The following ATP8A2 variants were observed in gnomAD, a reference collection of about 807,000 sequenced individuals.
The protein encoded by ATP8A2 is ATPase phospholipid transporting 8A2.
A neutral mutation model predicts 165.6 loss-of-function variants in ATP8A2; 100 were observed. The observed-to-expected ratio is 0.60, with a 90% CI of 0.51 to 0.71. The LOEUF (loss-of-function observed/expected upper bound fraction) is 0.71. Ranked by LOEUF, ATP8A2 falls within the 30% of genes least tolerant of loss-of-function variation. The pLI, the probability that ATP8A2 is intolerant of heterozygous loss-of-function variation, is 0.00. For missense variants in ATP8A2, 1,227 were observed against 1,479.5 expected (o/e 0.83, Z 2.80); for synonymous variants, 543 against 548.8 (o/e 0.99, Z 0.15).
At chr13:25,585,613 T>G (rs2039900021) in intron 23 of ATP8A2, among the ~76,000 whole-genome samples, 1 of 152,208 alleles carries the variant, frequency 6.6e-6, no homozygotes, top group Admixed American at 6.5e-5. Flanking sequence ...TACATTTTAT[T>G]GTGTATAAGG....
chr13:26,012,451 T>C (rs1012474881), intron 35 of ATP8A2, 80 bp from the exon 36 acceptor site: 136 of 1,171,282 alleles, frequency 1.2e-4, no homozygotes, highest in Non-Finnish European at 1.6e-4. Flanking sequence ...CCCCACCTCA[T>C]CCCACCCCCT....
At chr13:25,941,684 G>A (rs1427734601) in intron 33 of ATP8A2, among the ~76,000 whole-genome samples, 1 of 152,058 alleles carries the variant, frequency 6.6e-6, no homozygotes, top group Non-Finnish European at 1.5e-5. Flanking sequence ...ATCCAACTGT[G>A]GTGACTTCAT....
intron 30 of ATP8A2, among the ~76,000 whole-genome samples, chr13:25,843,771 C>T (rs150102191): frequency 6.6e-6 from 1 of 152,308 alleles, no homozygotes; most frequent in East Asian, 1.9e-4. Flanking sequence ...AATCAAAACA[C>T]ATCTCTACAT....
intron 35 of ATP8A2, among the ~76,000 whole-genome samples, chr13:25,983,373 A>G (rs1956209852): frequency 6.6e-6 from 1 of 152,210 alleles, no homozygotes; most frequent in Non-Finnish European, 1.5e-5. Context: ...TTGTTCACCC[A>G]ACTGAGAGGA....
At chr13:25,406,201 C>T (rs896763652) in intron 1 of ATP8A2, among the ~76,000 whole-genome samples, 2 of 152,278 alleles carry the variant, frequency 1.3e-5, no homozygotes, top group South Asian at 2.1e-4. Flanking sequence ...CAGGGACTTA[C>T]GAACAGGAGC....
chr13:25,543,961 G>GT (rs2038563633), intron 10 of ATP8A2, among the ~76,000 whole-genome samples: 1 of 152,198 alleles, frequency 6.6e-6, no homozygotes, highest in South Asian at 2.1e-4. Context: ...ACAGAAATCA[G>GT]TGTCCCTGTA....
chr13:25,694,428 G>A (rs1037837526), intron 24 of ATP8A2, among the ~76,000 whole-genome samples: 8 of 152,176 alleles, frequency 5.3e-5, no homozygotes, highest in Non-Finnish European at 8.8e-5. Context: ...CTTTGGTGAC[G>A]TGCTTCTCAA....
At chr13:25,679,781 G>A (rs992878413) in intron 24 of ATP8A2, among the ~76,000 whole-genome samples, 12 of 152,190 alleles carry the variant, frequency 7.9e-5, no homozygotes, top group African/African-American at 2.9e-4. Context: ...TTCCAGGTTA[G>A]TGACATGAAG....
intron 33 of ATP8A2, among the ~76,000 whole-genome samples, chr13:25,959,234 A>T (rs1164107652): frequency 6.6e-6 from 1 of 152,326 alleles, no homozygotes; most frequent in African/African-American, 2.4e-5. Flanking sequence ...GAGTTTTGCC[A>T]AAATACATGT....
chr13:25,378,613 CA>C lies in ATP8A2; in HGVS notation c.76+6327del, dbSNP rs550492122. 6.7e-3 allele frequency among the ~76,000 whole-genome samples: 1,026 copies of C among 152,202 alleles called. 11 individuals carry two copies. The highest frequency in any genetic ancestry group is 0.041 in the Middle Eastern group (12 of 294). On this transcript the variant is annotated intron_variant, in intron 1 of 36. Transcript: ENST00000381655. ...TTGGTTAGTATGAGTTTCTGCTTTC[CA>C]AGCTGACATGTTTTTTTCTTTTTAG...
At chr13:25,530,532 A>G (rs746839399) in intron 3 of ATP8A2, 30 bp from the exon 4 acceptor site, 35 of 1,344,750 alleles carry the variant, frequency 2.6e-5, no homozygotes, top group African/African-American at 1.3e-4. Flanking sequence ...TAATGTGCCA[A>G]CTTCCTACTT....
At chr13:25,465,737 TTCCCTCCCTCCCTCTCTCTCTCTC>T (rs2035641322) in intron 1 of ATP8A2, among the ~76,000 whole-genome samples, 3 of 5,616 alleles carry the variant, frequency 5.3e-4, no homozygotes, top group African/African-American at 9.4e-4. Flanking sequence ...CTTTCTTTCT[TTCCCTCCCTCCCTCTCTCTCTCTC>T]TTTCTCTCTT....
intron 25 of ATP8A2, among the ~76,000 whole-genome samples, chr13:25,711,307 T>C (rs2043153976): frequency 6.6e-6 from 1 of 152,084 alleles, no homozygotes; most frequent in Admixed American, 6.6e-5. Flanking sequence ...GCCTGGCCAG[T>C]CCTGTAGGTA....
At chr13:25,955,825 CA>C (rs1955505133) in intron 33 of ATP8A2, among the ~76,000 whole-genome samples, 1 of 152,080 alleles carries the variant, frequency 6.6e-6, no homozygotes, top group East Asian at 1.9e-4. Context: ...CACAACAAAA[CA>C]AAAAATTTCA....
Position 25,567,219 on chromosome 13 carries a change from G to A in ATP8A2, c.1473+3188G>A, listed in dbSNP as rs532245752. ...GTTTTGGGTCCCTGTGACGTTTTGG[G>A]GTTTTGACTGTTCATCCCACACTCT... On this transcript the variant is annotated intron_variant, in intron 16 of 36. Transcript: ENST00000381655. 36 of 421,884 alleles carry A rather than the reference G, an allele frequency of 8.5e-5. No individual in the cohort carries two copies. In the Middle Eastern group the frequency reaches 1.3e-3, roughly 15 times the overall value. 26.1% of individuals were successfully genotyped at this position (421,884 alleles called of 1,614,324 possible).
chr13:25,505,203 G>C (rs933529862), intron 2 of ATP8A2, among the ~76,000 whole-genome samples: 3 of 104,130 alleles, frequency 2.9e-5, no homozygotes, highest in South Asian at 3.2e-4. Context: ...TCGGCGGGGC[G>C]GGGGGGGGTG....
intron 33 of ATP8A2, among the ~76,000 whole-genome samples, chr13:25,877,603 T>C (rs193131637): frequency 6.6e-6 from 1 of 152,340 alleles, no homozygotes; most frequent in East Asian, 1.9e-4. Context: ...CACAATTCTG[T>C]TTCCAGTTCA....
chr13:25,756,299 A>C (rs2044259744), intron 25 of ATP8A2, among the ~76,000 whole-genome samples: 1 of 150,796 alleles, frequency 6.6e-6, no homozygotes, highest in South Asian at 2.1e-4. Context: ...GAAAACTGTG[A>C]ATTGGAGGAT....
intron 36 of ATP8A2, among the ~76,000 whole-genome samples, chr13:26,018,280 A>G (rs1405570132): frequency 1.3e-5 from 2 of 152,248 alleles, no homozygotes; most frequent in Non-Finnish European, 2.9e-5. Context: ...ACACAGAGTA[A>G]GAAAACAGCC....
Sources: allele counts gnomAD v4.1 joint callset (sites outside exome capture counted in the v4.1 genomes callset), GRCh38; gene constraint gnomAD v4.1.1; transcripts MANE v1.5; gene names NCBI Gene and HGNC (gene_info 2026-07-23, HGNC 2026-07-21).